LRRC34: variants seen among roughly 807,000 people sequenced by gnomAD.
LRRC34 encodes the protein leucine-rich repeat-containing protein 34.
LRRC34 carries 44 observed loss-of-function variants against 48.5 expected under a neutral mutation model. That is an observed-to-expected ratio of 0.91 (90% CI 0.71 to 1.17). The LOEUF is 1.17. LRRC34 is among the 50% of genes most tolerant of loss of function. The probability of loss-of-function intolerance (pLI) is 0.00; values close to 1 mark genes in which losing one functional copy is unlikely to be tolerated. For missense variants in LRRC34, 502 were observed against 563.0 expected (o/e 0.89, Z 1.10); for synonymous variants, 192 against 197.6 (o/e 0.97, Z 0.24).
rs148503944 is a variant in LRRC34 at position 169,798,989 on chromosome 3, T to C, written c.753+1670A>G. Among the ~76,000 whole-genome samples the C allele has an allele frequency of 5.9e-3, 904 of 152,328 alleles. 3 individuals are homozygous for C. The highest frequency in any genetic ancestry group is 7.8e-3 in the Non-Finnish European group (534 of 68,032). On this transcript the variant is annotated intron_variant, in intron 7 of 10. Transcript: ENST00000446859. ...CGCTAGCATTGTGTCTTGTTTAAGG[T>C]TGCATTCAAATATTCATGGTGTGAA... is the stretch of plus-strand genomic sequence containing the variant.
Position 169,796,263 on chromosome 3 carries a change from C to A in LRRC34, c.1015G>T (p.Ala339Ser). Residue 339 changes from alanine (A) to serine (S), a missense_variant, in exon 9 of 11, where the codon GCA becomes TCA. Ala to Ser is a moderately conservative substitution (Grantham distance 99). Coordinates refer to ENST00000446859, the MANE Select transcript of LRRC34 (RefSeq NM_001172779.2). ...GTAAGAGTTTCACTGAGATAGTTTG[C>A]GCCTGCATTTTCTATTCTGTTAAAG... ...LSFNRIENAG[A>S]NYLSETLTSH... 6.2e-7 allele frequency: 1 copy of A among 1,612,268 alleles called. No individual in the cohort carries two copies. The highest frequency in any genetic ancestry group is 8.5e-7 in the Non-Finnish European group (1 of 1,179,334).
intron 5 of LRRC34, 27 bp downstream of exon 5, chr3:169,806,821 G>A: frequency 1.4e-6 from 2 of 1,434,058 alleles, no homozygotes; most frequent in Non-Finnish European, 1.9e-6. Flanking sequence ...CAAATACAAT[G>A]TTAGTTTGAA....
At chr3:169,799,599 G>A (rs563068432) in intron 7 of LRRC34, among the ~76,000 whole-genome samples, 1 of 152,304 alleles carries the variant, frequency 6.6e-6, no homozygotes, top group Non-Finnish European at 1.5e-5. Context: ...GGAGGCTGCC[G>A]TGAGCCGATA....
In LRRC34 at chr3:169,793,630, C is replaced by A; in HGVS notation, c.*5G>T. ...GTGTATGAAAATTATTTTACAGCTA[C>A]TTTTTCATGGCTGTTGACCTACTGG... On this transcript the variant is annotated 3_prime_UTR_variant, in exon 11 of 11. Coordinates refer to ENST00000446859, the MANE Select transcript of LRRC34 (RefSeq NM_001172779.2). 1 of 1,597,296 alleles carries A rather than the reference C, an allele frequency of 6.3e-7. No individual in the cohort carries two copies. The highest frequency in any genetic ancestry group is 8.6e-7 in the Non-Finnish European group (1 of 1,167,728).
intron 2 of LRRC34, 53 bp downstream of exon 2, chr3:169,808,575 C>A (rs1433217870): frequency 3.1e-6 from 3 of 971,600 alleles, no homozygotes; most frequent in Non-Finnish European, 4.8e-6. Context: ...GATTTTCACA[C>A]ACATGAATAT....
Position 169,807,634 on chromosome 3 carries a change from A to G in LRRC34, c.333T>C (p.Asp111=). 2 of 1,611,696 alleles carry G rather than the reference A, an allele frequency of 1.2e-6. No individual in the cohort carries two copies. Among genetic ancestry groups the G allele is most frequent in the Non-Finnish European group, 1.7e-6 (2 of 1,179,328 alleles). ...TTAAAATTTTGGAAAGAATCCAAAA[A>G]TCTTCACCTGTAACTCTTTCTACTG... ...LVPVERVTGE[D]FWILSKILKN... The change falls in exon 3 of 11, where the codon GAT becomes GAC. Residue 111 remains aspartate (D), a synonymous_variant. Coordinates refer to ENST00000446859, the MANE Select transcript of LRRC34 (RefSeq NM_001172779.2).
chr3:169,805,170 G>C (rs540967730), intron 5 of LRRC34, among the ~76,000 whole-genome samples: 2 of 152,042 alleles, frequency 1.3e-5, no homozygotes, highest in East Asian at 3.9e-4. Context: ...AATTAGCCAA[G>C]AAAAACAAAA....
chr3:169,801,523 C>G (rs1779192320), intron 6 of LRRC34, among the ~76,000 whole-genome samples: 2 of 152,074 alleles, frequency 1.3e-5, no homozygotes, highest in Non-Finnish European at 2.9e-5. Flanking sequence ...AGATCATTAC[C>G]CCTCAGAGCT....
intron 1 of LRRC34, among the ~76,000 whole-genome samples, chr3:169,810,564 A>G (rs1779525703): frequency 6.6e-6 from 1 of 152,244 alleles, no homozygotes; most frequent in Non-Finnish European, 1.5e-5. Context: ...ATGATATTGT[A>G]GCACAATATT....
In LRRC34 at chr3:169,812,772, G is replaced by T; in HGVS notation, c.-224C>A. The T allele has an allele frequency of 1.8e-6, 1 of 549,546 alleles. No homozygotes were observed. The highest frequency in any genetic ancestry group is 3.0e-6 in the Non-Finnish European group (1 of 329,788). The allele number at this position is 549,546 out of a possible 1,614,324, so 34.0% of individuals were successfully genotyped here. ...CTCCTTTGCAGGGAGGAGTTCCCGA[G>T]GTTTGAGGGGCTCCGCTGCTGAGCT... On this transcript the variant is annotated 5_prime_UTR_variant, in exon 1 of 11. Transcript: ENST00000446859. The surrounding 1 kb of genome is among the most constrained non-coding windows in gnomAD (Gnocchi z 4.3).
chr3:169,799,364 C>G (rs1247541342), intron 7 of LRRC34, among the ~76,000 whole-genome samples: 5 of 152,150 alleles, frequency 3.3e-5, no homozygotes, highest in Non-Finnish European at 7.3e-5. Flanking sequence ...TTAAAAAGTT[C>G]AGAGTTTGGC....
At chr3:169,795,406 G>A (rs1349041572) in intron 10 of LRRC34, 79 bp downstream of exon 10, 4 of 1,427,968 alleles carry the variant, frequency 2.8e-6, no homozygotes, top group African/African-American at 1.4e-5. Flanking sequence ...CCATTTCTGA[G>A]GCACCTGTAA....
chr3:169,801,140 G>C (rs183078942), intron 6 of LRRC34, among the ~76,000 whole-genome samples: 1 of 152,068 alleles, frequency 6.6e-6, no homozygotes, highest in Non-Finnish European at 1.5e-5. Flanking sequence ...GTGTGTGTGC[G>C]GTGGGAAAAG....
At chr3:169,802,837 C>T (rs578113970) in intron 6 of LRRC34, among the ~76,000 whole-genome samples, 7 of 152,068 alleles carry the variant, frequency 4.6e-5, no homozygotes, top group Admixed American at 2.0e-4. Context: ...ATTAGCTGGG[C>T]GTGGTGGCAG....
At chr3:169,803,106 G>A (rs1779252836) in intron 6 of LRRC34, among the ~76,000 whole-genome samples, 2 of 152,154 alleles carry the variant, frequency 1.3e-5, no homozygotes, top group African/African-American at 4.8e-5. Context: ...CTAAAGATTT[G>A]AAAGCATGTC....
At position 169,808,623 on chromosome 3, in the gene LRRC34, C is replaced by A. The variant is rs939441923; in HGVS notation, c.257+5G>T. 7.3e-7 allele frequency: 1 copy of A among 1,367,260 alleles called. No individual in the cohort carries two copies. Among genetic ancestry groups the A allele is most frequent in the Non-Finnish European group, 1.0e-6 (1 of 971,112 alleles). 84.7% of individuals were successfully genotyped at this position (1,367,260 alleles called of 1,614,324 possible). On this transcript the variant is annotated splice_donor_5th_base_variant and intron_variant, in intron 2 of 10. Transcript: ENST00000446859. The stretch of plus-strand genomic sequence containing the variant: ...TTAATGTAATCAAGTATTTGTCTTT[C>A]TTACCCCTTTTTAATTTCTTCATCC...
chr3:169,796,813 GTT>G lies in LRRC34; in HGVS notation c.838_839del (p.Asn280GlnfsTer8). On this transcript the variant is annotated frameshift_variant, in exon 8 of 11. Transcript: ENST00000446859. LOFTEE classifies it high-confidence loss of function. ...ALHMCKHDIK[N>X]SGIQQLCDAL... ...CATCACATAACTGTTGTATACCACT[GTT>G]TTTTATATCATGCTTACACATGTGT... 6.2e-7 allele frequency: 1 copy of G among 1,611,766 alleles called. No homozygotes were observed. The highest frequency in any genetic ancestry group is 8.5e-7 in the Non-Finnish European group (1 of 1,179,050).
chr3:169,809,793 C>G (rs1319686587), intron 1 of LRRC34, among the ~76,000 whole-genome samples: 1 of 152,084 alleles, frequency 6.6e-6, no homozygotes, highest in Non-Finnish European at 1.5e-5. Context: ...ACTGAGTGTC[C>G]TTTGCACTCT....
intron 6 of LRRC34, among the ~76,000 whole-genome samples, chr3:169,802,625 A>C (rs111540145): frequency 0.014 from 2,177 of 152,200 alleles, 19 homozygotes; most frequent in Middle Eastern, 0.027. Context: ...TGGAGATGAT[A>C]AGTACCGAAT....
Sources: allele counts gnomAD v4.1 joint callset (sites outside exome capture counted in the v4.1 genomes callset), GRCh38; gene constraint gnomAD v4.1.1; non-coding constraint Gnocchi (gnomAD v3.1); transcripts MANE v1.5; gene names NCBI Gene and HGNC (gene_info 2026-07-23, HGNC 2026-07-21).